Variants in CADM1 observed in about 807,000 individuals in gnomAD.
CADM1 encodes the protein TSLC-1.
Under a neutral mutation model 53.1 loss-of-function variants are expected in CADM1, and 15 were observed. The ratio of observed to expected loss-of-function variants is 0.28; its 90% CI spans 0.19 to 0.44. CADM1 has a LOEUF of 0.44. Ranked by LOEUF, CADM1 falls within the 20% of genes least tolerant of loss-of-function variation. The pLI is 1.00. For missense variants in CADM1, 434 were observed against 611.3 expected (o/e 0.71, Z 3.06); for synonymous variants, 281 against 243.0 (o/e 1.16, Z -1.45).
chr11:115,290,959 G>A (rs966526443), intron 1 of CADM1, among the ~76,000 whole-genome samples: 2 of 152,098 alleles, frequency 1.3e-5, no homozygotes, highest in African/African-American at 4.8e-5. Context: ...ATAGAATAGC[G>A]CAGATCACCT....
At chr11:115,351,418 C>T (rs1945733356) in intron 1 of CADM1, among the ~76,000 whole-genome samples, 1 of 152,092 alleles carries the variant, frequency 6.6e-6, no homozygotes, top group South Asian at 2.1e-4. Flanking sequence ...AACATTAAAC[C>T]CAAGTCTTTC....
intron 1 of CADM1, among the ~76,000 whole-genome samples, chr11:115,245,500 A>T (rs944777078): frequency 6.6e-6 from 1 of 152,114 alleles, no homozygotes; most frequent in Non-Finnish European, 1.5e-5. Flanking sequence ...GCTTCAAATG[A>T]CTTGTCAATT....
chr11:115,361,468 G>A (rs1251652372), intron 1 of CADM1, among the ~76,000 whole-genome samples: 2 of 152,126 alleles, frequency 1.3e-5, no homozygotes, highest in Non-Finnish European at 2.9e-5. Context: ...TGTGACTGCT[G>A]GATAAAATTG....
chr11:115,409,563 G>A (rs1282197995), intron 1 of CADM1, among the ~76,000 whole-genome samples: 2 of 151,968 alleles, frequency 1.3e-5, no homozygotes, highest in Non-Finnish European at 2.9e-5. Flanking sequence ...TAGGAATTAT[G>A]GGTTTTTAAT....
At chr11:115,194,797 T>C (rs578119365) in intron 9 of CADM1, among the ~76,000 whole-genome samples, 1 of 151,758 alleles carries the variant, frequency 6.6e-6, no homozygotes, top group Non-Finnish European at 1.5e-5. Flanking sequence ...ACCCCTCACA[T>C]TGGGGAGGAG....
Position 115,187,142 on chromosome 11 carries a change from A to C in CADM1, c.1165+3746T>G, listed in dbSNP as rs973803954. On this transcript the variant is annotated intron_variant, in intron 10 of 11. Coordinates refer to ENST00000331581, the MANE Select transcript of CADM1 (RefSeq NM_001301043.2). ...TGGGCTATAACTTAAATATATCTATACAGCTCATCTGGTTTTTAATGTTTT... is the reference window on the plus strand; with the variant it reads ...TGGGCTATAACTTAAATATATCTATCCAGCTCATCTGGTTTTTAATGTTTT... Among the ~76,000 whole-genome samples the C allele has an allele frequency of 3.3e-5, 5 of 152,250 alleles. No individual in the cohort carries two copies. The South Asian group carries it at 6.2e-4, about 19-fold the overall frequency.
At chr11:115,297,899 A>G (rs1944120702) in intron 1 of CADM1, among the ~76,000 whole-genome samples, 1 of 152,242 alleles carries the variant, frequency 6.6e-6, no homozygotes, top group African/African-American at 2.4e-5. Flanking sequence ...GGAACAGCCA[A>G]AACGGCAGAG....
intron 1 of CADM1, among the ~76,000 whole-genome samples, chr11:115,385,582 TAAG>T (rs911435228): frequency 7.3e-6 from 1 of 137,102 alleles, no homozygotes; most frequent in East Asian, 2.1e-4. Flanking sequence ...GTCTGTCTAA[TAAG>T]AAGTGGACCA....
chr11:115,482,156 T>C (rs1202987275), intron 1 of CADM1, among the ~76,000 whole-genome samples: 1 of 152,178 alleles, frequency 6.6e-6, no homozygotes, highest in African/African-American at 2.4e-5. Context: ...ACCGTCTCTA[T>C]CTGGCTATCT....
At chr11:115,350,173 G>A (rs1056476856) in intron 1 of CADM1, among the ~76,000 whole-genome samples, 7 of 152,190 alleles carry the variant, frequency 4.6e-5, no homozygotes, top group South Asian at 2.1e-4. Flanking sequence ...GTTTCTCCAC[G>A]TTGGTCAGGC....
chr11:115,369,665 C>G (rs1371983780), intron 1 of CADM1, among the ~76,000 whole-genome samples: 1 of 152,108 alleles, frequency 6.6e-6, no homozygotes. Flanking sequence ...AGTAGATTTG[C>G]AATCACCTAA....
chr11:115,362,755 A>C (rs1946061821), intron 1 of CADM1, among the ~76,000 whole-genome samples: 2 of 152,224 alleles, frequency 1.3e-5, no homozygotes, highest in African/African-American at 4.8e-5. Flanking sequence ...CTTCACAAAC[A>C]AACATCAATA....
chr11:115,284,550 T>G (rs562022618), intron 1 of CADM1, among the ~76,000 whole-genome samples: 1 of 151,200 alleles, frequency 6.6e-6, no homozygotes, highest in Non-Finnish European at 1.5e-5. Flanking sequence ...AAGAGGAAGA[T>G]AGTTTTCAAA....
intron 1 of CADM1, among the ~76,000 whole-genome samples, chr11:115,421,017 T>C (rs1316843053): frequency 6.6e-6 from 1 of 152,202 alleles, no homozygotes; most frequent in African/African-American, 2.4e-5. Flanking sequence ...GGATGTTTTT[T>C]AATGCCTTTT....
At chr11:115,397,159 T>G (rs941272168) in intron 1 of CADM1, 2 of 152,194 alleles carry the variant, frequency 1.3e-5, no homozygotes, top group African/African-American at 4.8e-5. Context: ...AAAATGAGAT[T>G]CTAACAAACT....
intron 10 of CADM1, among the ~76,000 whole-genome samples, chr11:115,187,113 T>A (rs1939598303): frequency 6.6e-6 from 1 of 152,286 alleles, no homozygotes; most frequent in Non-Finnish European, 1.5e-5. Flanking sequence ...ACACTTTAGA[T>A]TTATGGGCTA....
chr11:115,397,391 G>A, intron 1 of CADM1: 1 of 152,218 alleles, frequency 6.6e-6, no homozygotes, highest in Non-Finnish European at 1.5e-5. Flanking sequence ...TTAGCTAACT[G>A]CAAAATGAAC....
At chr11:115,402,601 A>T (rs1309725883) in intron 1 of CADM1, among the ~76,000 whole-genome samples, 1 of 152,192 alleles carries the variant, frequency 6.6e-6, no homozygotes, top group Non-Finnish European at 1.5e-5. Flanking sequence ...CCACAGAAAA[A>T]TAGGCAAAGG....
At chr11:115,494,551 A>G (rs1949569431) in intron 1 of CADM1, among the ~76,000 whole-genome samples, 1 of 152,188 alleles carries the variant, frequency 6.6e-6, no homozygotes, top group Non-Finnish European at 1.5e-5. Context: ...ACTTATCAAA[A>G]AACATTCAAC....
Sources: allele counts gnomAD v4.1 joint callset (sites outside exome capture counted in the v4.1 genomes callset), GRCh38; gene constraint gnomAD v4.1.1; transcripts MANE v1.5; gene names NCBI Gene and HGNC (gene_info 2026-07-23, HGNC 2026-07-21).